The following LDLRAD4 variants were observed in gnomAD, a reference collection of about 807,000 sequenced individuals.
LDLRAD4 encodes low density lipoprotein receptor class A domain containing 4.
LDLRAD4 carries 5 observed loss-of-function variants against 17.0 expected under a neutral mutation model. The observed-to-expected ratio is 0.29, with a 90% CI of 0.15 to 0.62. LDLRAD4 has a LOEUF of 0.62. LDLRAD4 is among the 20% of genes least tolerant of loss of function. LDLRAD4 has a pLI of 0.84. For missense variants in LDLRAD4, 340 were observed against 424.7 expected, an observed-to-expected ratio of 0.80 and a Z score of 1.75; for synonymous variants, 168 against 171.8, an observed-to-expected ratio of 0.98 and a Z score of 0.17.
At chr18:13,530,829 T>C (rs2094115756) in intron 3 of LDLRAD4, among the ~76,000 whole-genome samples, 1 of 127,022 alleles carries the variant, frequency 7.9e-6, no homozygotes. Context: ...ATGAGAACCA[T>C]AGCATTTGGT....
chr18:13,441,158 T>C (rs1413303478), intron 3 of LDLRAD4, among the ~76,000 whole-genome samples: 1 of 152,206 alleles, frequency 6.6e-6, no homozygotes, highest in Non-Finnish European at 1.5e-5. Flanking sequence ...TGGCCTCGTA[T>C]TGAATGGCTA....
chr18:13,322,290 CT>C (rs370707500), intron 1 of LDLRAD4, among the ~76,000 whole-genome samples: 20 of 109,738 alleles, frequency 1.8e-4, no homozygotes, highest in African/African-American at 5.3e-4. Context: ...ACTTTTCTCA[CT>C]TTTTTTTTTT....
intron 3 of LDLRAD4, chr18:13,616,248 A>G (rs2040052071): frequency 4.9e-5 from 2 of 40,808 alleles, no homozygotes; most frequent in African/African-American, 1.9e-4. Context: ...GTGGGAGGAC[A>G]GGTGGGGGGG....
intron 1 of LDLRAD4, among the ~76,000 whole-genome samples, chr18:13,270,689 G>T (rs749191925): frequency 6.6e-6 from 1 of 152,210 alleles, no homozygotes; most frequent in Admixed American, 6.5e-5. Flanking sequence ...CTGCATGGTT[G>T]TGCTGCGAGG....
chr18:13,444,509 A>G (rs1260606652), intron 3 of LDLRAD4, among the ~76,000 whole-genome samples: 2 of 152,234 alleles, frequency 1.3e-5, no homozygotes, highest in African/African-American at 4.8e-5. Context: ...GGCTATTAGT[A>G]GTTAAGTTTT....
chr18:13,544,837 C>T (rs1331494349), intron 3 of LDLRAD4, among the ~76,000 whole-genome samples: 1 of 151,030 alleles, frequency 6.6e-6, no homozygotes, highest in Non-Finnish European at 1.5e-5. Context: ...GGGTCCAACT[C>T]CCTGGAGCAC....
At chr18:13,564,313 A>T (rs1486708786) in intron 3 of LDLRAD4, among the ~76,000 whole-genome samples, 1 of 152,176 alleles carries the variant, frequency 6.6e-6, no homozygotes, top group Non-Finnish European at 1.5e-5. Flanking sequence ...CTATTCAAGT[A>T]GTCCTTGTCA....
At chr18:13,295,084 C>A (rs935081609) in intron 1 of LDLRAD4, among the ~76,000 whole-genome samples, 3 of 152,136 alleles carry the variant, frequency 2.0e-5, no homozygotes, top group Non-Finnish European at 4.4e-5. Context: ...CTGTTTCAGG[C>A]TGAGGAATTG....
At chr18:13,343,894 C>T (rs578042806) in intron 1 of LDLRAD4, among the ~76,000 whole-genome samples, 1 of 152,222 alleles carries the variant, frequency 6.6e-6, no homozygotes, top group Non-Finnish European at 1.5e-5. Context: ...TGAGAAGTGT[C>T]TGTTCATATC....
intron 3 of LDLRAD4, among the ~76,000 whole-genome samples, chr18:13,548,798 AG>A (rs1334566957): frequency 1.3e-5 from 2 of 152,252 alleles, no homozygotes; most frequent in African/African-American, 4.8e-5. Flanking sequence ...TGCCTGCTCC[AG>A]GGAGCACACG....
chr18:13,396,529 G>T (rs974172014), intron 2 of LDLRAD4, among the ~76,000 whole-genome samples: 3 of 152,204 alleles, frequency 2.0e-5, no homozygotes, highest in African/African-American at 7.2e-5. Context: ...TGTCACCCAG[G>T]CTGGAATGCA....
chr18:13,429,242 G>A (rs905576722), intron 2 of LDLRAD4, among the ~76,000 whole-genome samples: 4 of 152,182 alleles, frequency 2.6e-5, no homozygotes, highest in Non-Finnish European at 2.9e-5. Flanking sequence ...CTGGCCAGGC[G>A]GTGTTGGTGC....
At chr18:13,585,097 A>G (rs2094916576) in intron 3 of LDLRAD4, among the ~76,000 whole-genome samples, 1 of 152,246 alleles carries the variant, frequency 6.6e-6, no homozygotes, top group African/African-American at 2.4e-5. Context: ...AATGAGCCTC[A>G]TGCGTGTCTG....
At position 13,311,833 on chromosome 18, in the gene LDLRAD4, CT is replaced by C. The variant is rs34431463; in HGVS notation, c.-383+33661del. ...ATCCCAAACACCCTCAAATCTGAAACTTTTTTTTTTTTTTTTGAGACGGAGT... is the reference window on the plus strand; with the variant it reads ...ATCCCAAACACCCTCAAATCTGAAACTTTTTTTTTTTTTTTGAGACGGAGT... On this transcript the variant is annotated intron_variant, in intron 1 of 5. Coordinates refer to ENST00000359446, the Ensembl canonical transcript of LDLRAD4. 2.6e-3 allele frequency among the ~76,000 whole-genome samples: 357 copies of C among 139,020 alleles called. 1 individual carries two copies. The highest frequency in any genetic ancestry group is 6.7e-3 in the African/African-American group (255 of 38,246). 91.2% of individuals were successfully genotyped at this position (139,020 alleles called of 152,430 possible).
At chr18:13,494,871 G>A (rs2093434231) in intron 3 of LDLRAD4, among the ~76,000 whole-genome samples, 2 of 147,250 alleles carry the variant, frequency 1.4e-5, no homozygotes, top group Non-Finnish European at 3.0e-5. Context: ...CTTCCTATAT[G>A]TGTGGTCCTT....
intron 3 of LDLRAD4, among the ~76,000 whole-genome samples, chr18:13,597,506 T>TTCTCTC (rs58235384): frequency 0.014 from 2,012 of 148,032 alleles, 23 homozygotes; most frequent in East Asian, 0.037. Context: ...TTCTGCTCAT[T>TTCTCTC]TCTCTCTCTC....
chr18:13,404,571 G>T (rs1054751281), intron 2 of LDLRAD4, among the ~76,000 whole-genome samples: 1 of 152,140 alleles, frequency 6.6e-6, no homozygotes, highest in South Asian at 2.1e-4. Context: ...GCCGAGACGG[G>T]CGGATCACGA....
intron 3 of LDLRAD4, among the ~76,000 whole-genome samples, chr18:13,486,075 C>T (rs1384521691): frequency 1.3e-5 from 2 of 152,180 alleles, no homozygotes; most frequent in South Asian, 2.1e-4. Context: ...GATAATTGCT[C>T]ATGGTTGTGG....
At chr18:13,307,270 T>C (rs955927341) in intron 1 of LDLRAD4, among the ~76,000 whole-genome samples, 6 of 152,280 alleles carry the variant, frequency 3.9e-5, no homozygotes, top group African/African-American at 9.6e-5. Context: ...CTGCCCCGCC[T>C]GAGACAGCAT....
Sources: allele counts gnomAD v4.1 joint callset (sites outside exome capture counted in the v4.1 genomes callset), GRCh38; gene constraint gnomAD v4.1.1; transcripts MANE v1.5; gene names NCBI Gene and HGNC (gene_info 2026-07-23, HGNC 2026-07-21).